The following CYTH3 variants were observed in gnomAD, a reference collection of about 807,000 sequenced individuals.
CYTH3 encodes the protein cytohesin 3, also known as cytohesin-3.
A neutral mutation model predicts 55.1 loss-of-function variants in CYTH3; 23 were observed. That is an observed-to-expected ratio of 0.42 (90% CI 0.30 to 0.59). The LOEUF (loss-of-function observed/expected upper bound fraction) is 0.59. Ranked by LOEUF, CYTH3 falls within the 20% of genes least tolerant of loss-of-function variation. The probability of loss-of-function intolerance (pLI) is 0.20; values close to 1 mark genes in which losing one functional copy is unlikely to be tolerated. For synonymous variants in CYTH3, 249 were observed against 194.9 expected (o/e 1.28, Z -2.31); for missense variants, 413 against 524.8 (o/e 0.79, Z 2.08).
At chr7:6,263,896 T>A (rs1780418021) in intron 1 of CYTH3, among the ~76,000 whole-genome samples, 1 of 151,944 alleles carries the variant, frequency 6.6e-6, no homozygotes, top group Non-Finnish European at 1.5e-5. Flanking sequence ...AAGGATAATC[T>A]CTAATGCAAG....
chr7:6,193,569 A>G (rs1244619142), intron 1 of CYTH3, among the ~76,000 whole-genome samples: 2 of 152,220 alleles, frequency 1.3e-5, no homozygotes, highest in Admixed American at 1.3e-4. Flanking sequence ...TGAAGCCCAC[A>G]GTGGCGTAGA....
intron 1 of CYTH3, among the ~76,000 whole-genome samples, chr7:6,237,663 C>A (rs1335267317): frequency 6.6e-6 from 1 of 152,060 alleles, no homozygotes. Context: ...GAGCCCAGAT[C>A]GCGCCACTGC....
intron 1 of CYTH3, among the ~76,000 whole-genome samples, chr7:6,193,895 G>A (rs956033111): frequency 6.6e-5 from 10 of 152,098 alleles, no homozygotes; most frequent in Non-Finnish European, 1.0e-4. Context: ...TGGGCTCCCC[G>A]ACTGCAGGCC....
At chr7:6,194,583 A>G (rs899028930) in intron 1 of CYTH3, among the ~76,000 whole-genome samples, 8 of 152,268 alleles carry the variant, frequency 5.3e-5, no homozygotes, top group African/African-American at 1.9e-4. Context: ...TGCATCTGCT[A>G]TGACCCAGCA....
At chr7:6,259,783 T>TATA in intron 1 of CYTH3, among the ~76,000 whole-genome samples, 1 of 18,858 alleles carries the variant, frequency 5.3e-5, no homozygotes, top group African/African-American at 8.8e-4. Context: ...TATATATATA[T>TATA]AATATATATA....
rs538123319 is a variant in CYTH3 at position 6,254,249 on chromosome 7, T to C, written c.34+18225A>G. ...ATAACTAAATAGAAGGTGTAAATCT[T>C]AATTAGAGCCTAGATAGGTTTAAAA... is the stretch of plus-strand genomic sequence containing the variant. On this transcript the variant is annotated intron_variant, in intron 1 of 12. Coordinates refer to ENST00000350796, the MANE Select transcript of CYTH3 (RefSeq NM_004227.4). Among the ~76,000 whole-genome samples, 5 of 152,064 alleles carry C rather than the reference T, an allele frequency of 3.3e-5. No individual in the cohort carries two copies. In the South Asian group the frequency reaches 1.0e-3, roughly 32 times the overall value.
chr7:6,217,688 C>A (rs1207328814), intron 1 of CYTH3, among the ~76,000 whole-genome samples: 5 of 152,074 alleles, frequency 3.3e-5, no homozygotes, highest in African/African-American at 1.2e-4. Context: ...CACCATCAAC[C>A]AACAAAGTCT....
chr7:6,187,468 T>C (rs1161050089), intron 3 of CYTH3, among the ~76,000 whole-genome samples, 189 bp downstream of exon 3: 3 of 152,160 alleles, frequency 2.0e-5, no homozygotes, highest in Non-Finnish European at 4.4e-5. Flanking sequence ...GAGGAGGCAA[T>C]GGGAGGTAAC....
chr7:6,187,407 T>C (rs1268484065), intron 3 of CYTH3, among the ~76,000 whole-genome samples: 1 of 152,236 alleles, frequency 6.6e-6, no homozygotes, highest in African/African-American at 2.4e-5. Flanking sequence ...GGGTCAACCC[T>C]GAAGTGCCTG....
chr7:6,201,264 G>T (rs947312797), intron 1 of CYTH3, among the ~76,000 whole-genome samples: 1 of 152,188 alleles, frequency 6.6e-6, no homozygotes, highest in Non-Finnish European at 1.5e-5. Context: ...TAGCAACAAC[G>T]GAAAGGGCCA....
intron 1 of CYTH3, among the ~76,000 whole-genome samples, chr7:6,245,814 G>A (rs553947127): frequency 6.6e-6 from 1 of 152,312 alleles, no homozygotes; most frequent in South Asian, 2.1e-4. Context: ...TGAGGCAGGA[G>A]AATCACCTGA....
intron 1 of CYTH3, among the ~76,000 whole-genome samples, chr7:6,268,763 G>A (rs1170609768): frequency 6.6e-6 from 1 of 152,106 alleles, no homozygotes; most frequent in Non-Finnish European, 1.5e-5. Context: ...ATCTATCAGG[G>A]TCCACCCAGA....
intron 1 of CYTH3, among the ~76,000 whole-genome samples, chr7:6,267,091 G>A (rs568361870): frequency 6.6e-6 from 1 of 152,286 alleles, no homozygotes; most frequent in African/African-American, 2.4e-5. Flanking sequence ...CTTCCCTCTT[G>A]CTCCTGCTCT....
chr7:6,268,072 C>A (rs573780775), intron 1 of CYTH3, among the ~76,000 whole-genome samples: 2 of 152,288 alleles, frequency 1.3e-5, no homozygotes, highest in South Asian at 4.1e-4. Context: ...CCTCCTTTCA[C>A]CTTCCAGGGA....
At position 6,171,006 on chromosome 7, in the gene CYTH3, A is replaced by T; in HGVS notation, c.563-28T>A. On this transcript the variant is annotated intron_variant, in intron 7 of 12. Coordinates refer to ENST00000350796, the MANE Select transcript of CYTH3 (RefSeq NM_004227.4). The surrounding 1 kb of genome is among the most constrained non-coding windows in gnomAD (Gnocchi z 6.7). ...GCAACGAGTCCGGGGTGCTGGGCTC[A>T]GCCAGAACCTCCAGTGGACAGTGGG... is the stretch of plus-strand genomic sequence containing the variant. The T allele has an allele frequency of 6.2e-7, 1 of 1,612,728 alleles. No individual in the cohort carries two copies. Among genetic ancestry groups the T allele is most frequent in the Non-Finnish European group, 8.5e-7 (1 of 1,179,624 alleles).
rs780562697 is a variant in CYTH3, at chr7:6,187,679, T to C, written c.160A>G (p.Asn54Asp). ...EIAEVMTEID[N>D]LTSVEESKTT... Reference sequence around the variant, plus strand: ...TACCTCTCCTCTACGGAAGTTAGATTGTCGATCTCTGTCATCACCTCTGCA... The same window carrying C: ...TACCTCTCCTCTACGGAAGTTAGATCGTCGATCTCTGTCATCACCTCTGCA... Residue 54 changes from asparagine to aspartate, a missense_variant, in exon 3 of 13, where the codon AAT becomes GAT. Transcript: ENST00000350796. 1.2e-5 allele frequency: 20 copies of C among 1,614,008 alleles called. 1 individual carries two copies. The highest frequency in any genetic ancestry group is 1.4e-5 in the Non-Finnish European group (17 of 1,179,978).
intron 1 of CYTH3, among the ~76,000 whole-genome samples, chr7:6,266,774 A>G (rs1218170638): frequency 6.6e-6 from 1 of 152,098 alleles, no homozygotes; most frequent in Non-Finnish European, 1.5e-5. Flanking sequence ...ATTTCCTTTA[A>G]CACATCTAGC....
chr7:6,194,865 C>T (rs1440154627), intron 1 of CYTH3, among the ~76,000 whole-genome samples: 1 of 152,130 alleles, frequency 6.6e-6, no homozygotes, highest in Non-Finnish European at 1.5e-5. Context: ...GTCCCAGCTA[C>T]TCGGGAGGCT....
At chr7:6,215,213 G>T (rs1261484932) in intron 1 of CYTH3, among the ~76,000 whole-genome samples, 1 of 152,140 alleles carries the variant, frequency 6.6e-6, no homozygotes, top group Non-Finnish European at 1.5e-5. Flanking sequence ...TATTCCCCCT[G>T]CTCTAGTGAC....
Sources: gnomAD v4.1 joint callset for allele counts (sites outside exome capture counted in the v4.1 genomes callset) on GRCh38, gnomAD v4.1.1 for gene constraint, Gnocchi (gnomAD v3.1) non-coding constraint, MANE v1.5 for transcripts, NCBI Gene and HGNC (gene_info 2026-07-23, HGNC 2026-07-21) for gene names.